The following BORCS5 variants were observed in gnomAD, a reference collection of about 807,000 sequenced individuals.
BORCS5 encodes BLOC-1-related complex subunit 5.
In BORCS5, 17 loss-of-function variants were observed where a neutral mutation model predicts 22.1. The ratio of observed to expected loss-of-function variants is 0.77; its 90% CI spans 0.53 to 1.15. The LOEUF (loss-of-function observed/expected upper bound fraction) is 1.15, where lower values mean the gene tolerates loss of function less well. BORCS5 is among the 50% of genes most tolerant of loss of function. The pLI is 0.00. For missense variants in BORCS5, 247 were observed against 253.2 expected (o/e 0.98, Z 0.17); for synonymous variants, 117 against 99.8 (o/e 1.17, Z -1.03).
At chr12:12,395,127 A>G (rs1941302066) in intron 2 of BORCS5, among the ~76,000 whole-genome samples, 1 of 151,936 alleles carries the variant, frequency 6.6e-6, no homozygotes, top group African/African-American at 2.4e-5. Context: ...AGGTGGATGA[A>G]GGAGTTCTGG....
intron 3 of BORCS5, among the ~76,000 whole-genome samples, chr12:12,461,452 A>G (rs927434904): frequency 6.6e-6 from 1 of 152,136 alleles, no homozygotes. Flanking sequence ...GATGACAAGC[A>G]TGAACCACCG....
At chr12:12,405,559 C>T (rs1273272749) in intron 2 of BORCS5, among the ~76,000 whole-genome samples, 2 of 152,130 alleles carry the variant, frequency 1.3e-5, no homozygotes, top group African/African-American at 4.8e-5. Context: ...TTAATGTCAT[C>T]CTGACAATTA....
chr12:12,464,433 A>G (rs11834080), intron 3 of BORCS5, among the ~76,000 whole-genome samples: 53,939 of 152,006 alleles, frequency 0.35, 11,277 homozygotes, highest in African/African-American at 0.59. Context: ...TCTCGAAGCC[A>G]TTTTCAGAGG....
At chr12:12,421,757 T>A (rs7969020) in intron 2 of BORCS5, among the ~76,000 whole-genome samples, 90,538 of 152,006 alleles carry the variant, frequency 0.6, 27,684 homozygotes, top group African/African-American at 0.7. Context: ...AAGAGATTCA[T>A]CTTCTTCCTG....
chr12:12,396,634 G>T (rs191730521), intron 2 of BORCS5, among the ~76,000 whole-genome samples: 121 of 152,134 alleles, frequency 8.0e-4, no homozygotes, highest in African/African-American at 2.5e-3. Context: ...TGGAGGGAGT[G>T]GGGGGTGGGG....
In BORCS5 at chr12:12,413,657, C is replaced by T. The variant is rs1226392676; in HGVS notation, c.203-21971C>T. Among the ~76,000 whole-genome samples, 16 of 130,568 alleles carry T rather than the reference C, an allele frequency of 1.2e-4. No individual in the cohort carries two copies. In the East Asian group the frequency reaches 2.5e-3, roughly 21 times the overall value. 85.7% of individuals were successfully genotyped at this position (130,568 alleles called of 152,430 possible). A position where few individuals can be genotyped will look rare whatever the true frequency, so the allele number is the denominator to read the frequency against. ...CTCCTCACTTCCCAGTAGGGGCGGC[C>T]GGGCAGAAGCGCCCCTCACCTCCCG... On this transcript the variant is annotated intron_variant, in intron 2 of 3. Transcript: ENST00000314565.
chr12:12,416,680 C>T lies in BORCS5; in HGVS notation c.203-18948C>T, dbSNP rs564871702. 3.9e-5 allele frequency among the ~76,000 whole-genome samples: 6 copies of T among 151,900 alleles called. No homozygotes were observed. In the South Asian group the frequency reaches 1.0e-3, roughly 26 times the overall value. On this transcript the variant is annotated intron_variant, in intron 2 of 3. Transcript: ENST00000314565. ...CTCACTAGGTTGCCCAAGCTCTTCTCGAACTCCTGGGCTCAAGCGATCCTT... is the reference window on the plus strand; with the variant it reads ...CTCACTAGGTTGCCCAAGCTCTTCTTGAACTCCTGGGCTCAAGCGATCCTT...
intron 2 of BORCS5, among the ~76,000 whole-genome samples, chr12:12,420,564 T>G (rs1942089397): frequency 6.6e-6 from 1 of 152,232 alleles, no homozygotes; most frequent in South Asian, 2.1e-4. Flanking sequence ...TCAAGTAGTT[T>G]TTTCCAATTC....
chr12:12,434,784 T>C (rs1349758884), intron 2 of BORCS5, among the ~76,000 whole-genome samples: 1 of 152,256 alleles, frequency 6.6e-6, no homozygotes, highest in Non-Finnish European at 1.5e-5. Flanking sequence ...TATAGGTGAA[T>C]ATCAAAAGAT....
At chr12:12,431,403 C>CTT (rs386375632) in intron 2 of BORCS5, among the ~76,000 whole-genome samples, 1,288 of 121,052 alleles carry the variant, frequency 0.011, 67 homozygotes, top group African/African-American at 0.037. Flanking sequence ...TTTGCTAATT[C>CTT]TTTTTTTTTT....
intron 2 of BORCS5, among the ~76,000 whole-genome samples, chr12:12,396,389 C>T (rs1342209486): frequency 2.0e-5 from 3 of 152,220 alleles, no homozygotes; most frequent in Non-Finnish European, 4.4e-5. Context: ...AGCATCCGCA[C>T]AATGCCTTTT....
intron 2 of BORCS5, among the ~76,000 whole-genome samples, chr12:12,402,204 T>A (rs1941497100): frequency 6.6e-6 from 1 of 152,210 alleles, no homozygotes; most frequent in South Asian, 2.1e-4. Context: ...GTGCATAAAT[T>A]TCATCTGAGT....
intron 1 of BORCS5, among the ~76,000 whole-genome samples, chr12:12,360,662 A>T (rs978564695): frequency 6.9e-6 from 1 of 144,784 alleles, no homozygotes; most frequent in Non-Finnish European, 1.5e-5. Flanking sequence ...CCTCCCACTC[A>T]GCCTTTCAAA....
intron 3 of BORCS5, among the ~76,000 whole-genome samples, chr12:12,437,892 A>C (rs999571764): frequency 1.3e-5 from 2 of 152,094 alleles, no homozygotes; most frequent in African/African-American, 4.8e-5. Flanking sequence ...CTTCCTGAGT[A>C]GCTTAGGACT....
intron 3 of BORCS5, among the ~76,000 whole-genome samples, chr12:12,464,072 CG>C (rs144116947): frequency 0.067 from 10,240 of 152,246 alleles, 437 homozygotes; most frequent in Middle Eastern, 0.092. Flanking sequence ...AAAGGCCCAG[CG>C]GGTGACTGTC....
chr12:12,363,463 G>A lies in BORCS5; in HGVS notation c.202+2114G>A, dbSNP rs557889916. Among the ~76,000 whole-genome samples the A allele has an allele frequency of 3.3e-5, 5 of 152,028 alleles. No homozygotes were observed. The East Asian group carries it at 5.8e-4, about 18-fold the overall frequency. On this transcript the variant is annotated intron_variant, in intron 2 of 3. Coordinates refer to ENST00000314565, the MANE Select transcript of BORCS5 (RefSeq NM_058169.6). The stretch of plus-strand genomic sequence containing the variant: ...AAAAATACAAAAAATTAGGCCGGGC[G>A]CAGTGGCTTACGCCTGTAAAACAGC...
At chr12:12,433,468 A>G (rs111536792) in intron 2 of BORCS5, among the ~76,000 whole-genome samples, 54 of 152,180 alleles carry the variant, frequency 3.5e-4, no homozygotes, top group African/African-American at 1.2e-3. Context: ...GGGAGATACC[A>G]TCTCTAAACC....
intron 2 of BORCS5, among the ~76,000 whole-genome samples, chr12:12,408,449 G>A (rs1941641386): frequency 6.6e-6 from 1 of 152,172 alleles, no homozygotes; most frequent in South Asian, 2.1e-4. Flanking sequence ...AAGTTCAGTG[G>A]TATTAAGTAC....
chr12:12,362,931 G>A (rs1381522760), intron 2 of BORCS5, among the ~76,000 whole-genome samples: 3 of 151,838 alleles, frequency 2.0e-5, no homozygotes, highest in South Asian at 2.1e-4. Context: ...GATTACAGGC[G>A]TGAGGCACCT....
Sources: gnomAD v4.1 joint callset for allele counts (sites outside exome capture counted in the v4.1 genomes callset) on GRCh38, gnomAD v4.1.1 for gene constraint, MANE v1.5 for transcripts, NCBI Gene and HGNC (gene_info 2026-07-23, HGNC 2026-07-21) for gene names.